TMEM108: variants seen among roughly 807,000 people sequenced by gnomAD.
TMEM108 encodes cancer/testis antigen 124.
Under a neutral mutation model 35.1 loss-of-function variants are expected in TMEM108, and 12 were observed. The observed-to-expected ratio is 0.34, with a 90% CI of 0.22 to 0.55. TMEM108 has a LOEUF of 0.55. Ranked by LOEUF, TMEM108 falls within the 20% of genes least tolerant of loss-of-function variation. The pLI, the probability that TMEM108 is intolerant of heterozygous loss-of-function variation, is 0.89. For missense variants in TMEM108, 680 were observed against 753.3 expected (o/e 0.90, Z 1.14); for synonymous variants, 287 against 308.6 (o/e 0.93, Z 0.73).
chr3:133,102,345 G>C (rs765534007), intron 2 of TMEM108, among the ~76,000 whole-genome samples: 1 of 152,138 alleles, frequency 6.6e-6, no homozygotes, highest in Non-Finnish European at 1.5e-5. Flanking sequence ...AATATGTCGT[G>C]GTCTCTCCCT....
chr3:133,341,980 T>C (rs2071672984), intron 3 of TMEM108, among the ~76,000 whole-genome samples: 1 of 151,650 alleles, frequency 6.6e-6, no homozygotes, highest in Non-Finnish European at 1.5e-5. Context: ...TGGGCAAAAA[T>C]TTCTTGAGTA....
chr3:133,219,500 A>T (rs1447851089), intron 2 of TMEM108, among the ~76,000 whole-genome samples: 2 of 152,000 alleles, frequency 1.3e-5, no homozygotes, highest in Non-Finnish European at 2.9e-5. Flanking sequence ...TTCCTCTTAG[A>T]ACCGCTTTTG....
intron 2 of TMEM108, among the ~76,000 whole-genome samples, chr3:133,218,193 G>C (rs1401987130): frequency 6.6e-6 from 1 of 151,634 alleles, no homozygotes; most frequent in Admixed American, 6.6e-5. Flanking sequence ...TTGTTTTATT[G>C]CTCTCTTTAG....
intron 4 of TMEM108, chr3:133,388,853 AC>A (rs1256257693): frequency 1.2e-5 from 12 of 985,780 alleles, no homozygotes; most frequent in Non-Finnish European, 1.4e-5. Context: ...CCTGGCATGA[AC>A]CCACCCCTGA....
At chr3:133,087,199 C>T (rs1943894884) in intron 2 of TMEM108, among the ~76,000 whole-genome samples, 1 of 152,140 alleles carries the variant, frequency 6.6e-6, no homozygotes, top group African/African-American at 2.4e-5. Flanking sequence ...CTGTGTGTGT[C>T]CTTGACCTGC....
chr3:133,086,676 T>C (rs1369423315), intron 2 of TMEM108, among the ~76,000 whole-genome samples: 1 of 152,210 alleles, frequency 6.6e-6, no homozygotes, highest in Non-Finnish European at 1.5e-5. Context: ...GAGCTGATGA[T>C]TCTGTAGCAT....
chr3:133,157,970 C>G (rs181227568), intron 2 of TMEM108, among the ~76,000 whole-genome samples: 50 of 152,304 alleles, frequency 3.3e-4, no homozygotes, highest in Non-Finnish European at 5.7e-4. Flanking sequence ...TTAGACTGAA[C>G]AGATTAACCC....
chr3:133,375,116 G>A (rs1235073728), intron 3 of TMEM108, among the ~76,000 whole-genome samples: 1 of 152,222 alleles, frequency 6.6e-6, no homozygotes, highest in Admixed American at 6.5e-5. Flanking sequence ...TACAGGCTTA[G>A]CCCTTTGAGC....
intron 2 of TMEM108, among the ~76,000 whole-genome samples, chr3:133,169,539 A>G (rs1452120142): frequency 6.6e-6 from 1 of 152,246 alleles, no homozygotes; most frequent in East Asian, 1.9e-4. Context: ...ATGCTGGCTG[A>G]TTCAGTTGTT....
intron 3 of TMEM108, among the ~76,000 whole-genome samples, chr3:133,365,914 A>C (rs2072488514): frequency 6.6e-6 from 1 of 152,192 alleles, no homozygotes; most frequent in Non-Finnish European, 1.5e-5. Context: ...ATCAGGAATA[A>C]CTACTAAAGA....
At chr3:133,169,708 C>T (rs1945100040) in intron 2 of TMEM108, among the ~76,000 whole-genome samples, 1 of 152,208 alleles carries the variant, frequency 6.6e-6, no homozygotes, top group African/African-American at 2.4e-5. Context: ...AGCCTTCCCT[C>T]CATCTTGGCT....
At chr3:133,161,333 T>C (rs560704682) in intron 2 of TMEM108, among the ~76,000 whole-genome samples, 4 of 152,166 alleles carry the variant, frequency 2.6e-5, no homozygotes, top group Non-Finnish European at 5.9e-5. Context: ...CTTTCATCAC[T>C]CAGTCTAAAG....
chr3:133,233,716 T>C (rs1946190160), intron 3 of TMEM108, among the ~76,000 whole-genome samples: 1 of 149,374 alleles, frequency 6.7e-6, no homozygotes, highest in Non-Finnish European at 1.5e-5. Context: ...TTCCTGACTT[T>C]TTAATGATCG....
At chr3:133,356,377 T>C (rs1241073842) in intron 3 of TMEM108, among the ~76,000 whole-genome samples, 1 of 152,180 alleles carries the variant, frequency 6.6e-6, no homozygotes, top group Non-Finnish European at 1.5e-5. Context: ...GAATCAATAT[T>C]GTGAAAATGA....
chr3:133,134,228 A>T (rs1173935248), intron 2 of TMEM108, among the ~76,000 whole-genome samples: 2 of 152,086 alleles, frequency 1.3e-5, no homozygotes, highest in African/African-American at 2.4e-5. Context: ...TTTGCAATTT[A>T]TTGAGGTTTT....
chr3:133,040,048 A>G (rs1487767906), intron 1 of TMEM108, among the ~76,000 whole-genome samples: 1 of 152,232 alleles, frequency 6.6e-6, no homozygotes, highest in Non-Finnish European at 1.5e-5. Context: ...TCTGAGATGA[A>G]TGAAAGTAAA....
intron 2 of TMEM108, among the ~76,000 whole-genome samples, chr3:133,125,917 C>T (rs575283324): frequency 2.6e-5 from 4 of 152,250 alleles, no homozygotes; most frequent in South Asian, 2.1e-4. Context: ...TGTTTTATTT[C>T]AGGGCTGTTT....
intron 3 of TMEM108, among the ~76,000 whole-genome samples, chr3:133,270,794 TAC>T (rs71624011): frequency 0.55 from 80,957 of 148,368 alleles, 21,956 homozygotes; most frequent in South Asian, 0.61. Context: ...TCGAAGAATG[TAC>T]ACACACACAC....
At chr3:133,052,542 A>G (rs955838720) in intron 2 of TMEM108, among the ~76,000 whole-genome samples, 47 of 107,514 alleles carry the variant, frequency 4.4e-4, no homozygotes, top group East Asian at 9.2e-4. Context: ...ACAATGTTTG[A>G]AAAAAAAAAA....
Sources: gnomAD v4.1 joint callset for allele counts (sites outside exome capture counted in the v4.1 genomes callset) on GRCh38, gnomAD v4.1.1 for gene constraint, MANE v1.5 for transcripts, NCBI Gene and HGNC (gene_info 2026-07-23, HGNC 2026-07-21) for gene names.